XIRP2: variants seen among roughly 807,000 people sequenced by gnomAD.
XIRP2 encodes xin actin binding repeat containing 2, also known as xin actin-binding repeat-containing protein 2.
A neutral mutation model predicts 277.0 loss-of-function variants in XIRP2; 236 were observed. The observed-to-expected ratio is 0.85, with a 90% confidence interval of 0.77 to 0.95. XIRP2 has a LOEUF of 0.95. XIRP2 is among the 40% of genes least tolerant of loss of function. The probability of loss-of-function intolerance (pLI) is 0.00; values close to 1 mark genes in which losing one functional copy is unlikely to be tolerated. For missense variants in XIRP2, 4,640 were observed against 4,157.5 expected, an observed-to-expected ratio of 1.12 and a Z score of -3.19; for synonymous variants, 1,490 against 1,416.5, an observed-to-expected ratio of 1.05 and a Z score of -1.17.
intron 2 of XIRP2, among the ~76,000 whole-genome samples, chr2:167,010,985 G>T (rs1215072592): frequency 6.6e-6 from 1 of 152,060 alleles, no homozygotes; most frequent in South Asian, 2.1e-4. Context: ...ACACAATGGG[G>T]TTTTCTAGAT....
At chr2:167,212,455 G>A (rs553011869) in intron 4 of XIRP2, among the ~76,000 whole-genome samples, 11 of 152,188 alleles carry the variant, frequency 7.2e-5, no homozygotes, top group Middle Eastern at 3.4e-3. Flanking sequence ...GTTTAAAAAG[G>A]GAATGTTTAC....
In XIRP2 at chr2:167,243,822, G is replaced by T. The variant is rs1285230507; in HGVS notation, c.2430G>T (p.Trp810Cys). The change falls in exon 9 of 11, where the codon TGG becomes TGT. Residue 810 changes from tryptophan (W) to cysteine (C), a missense_variant. By Grantham distance (215) the Trp-to-Cys change is radical. Transcript: ENST00000409195. Reference sequence around the variant, plus strand: ...AAGGTGGGGTGAGTAAGGCAAAGTGGTTATTTGAAACCCAACCTTTGGAGA... The same window carrying T: ...AAGGTGGGGTGAGTAAGGCAAAGTGTTTATTTGAAACCCAACCTTTGGAGA... ...NVKGGVSKAKWLFETQPLEKI... is the reference protein window; with the variant it reads ...NVKGGVSKAKCLFETQPLEKI... 6.2e-7 allele frequency: 1 copy of T among 1,613,966 alleles called. No individual in the cohort carries two copies. The highest frequency in any genetic ancestry group is 8.5e-7 in the Non-Finnish European group (1 of 1,179,938).
At chr2:167,210,407 A>G (rs1389301754) in intron 3 of XIRP2, among the ~76,000 whole-genome samples, 1 of 152,226 alleles carries the variant, frequency 6.6e-6, no homozygotes, top group Non-Finnish European at 1.5e-5. Context: ...GAAAATGCAC[A>G]CAGAATTTAG....
intron 3 of XIRP2, among the ~76,000 whole-genome samples, chr2:167,159,977 G>T (rs752396314): frequency 9.2e-5 from 14 of 152,184 alleles, no homozygotes; most frequent in Non-Finnish European, 1.9e-4. Flanking sequence ...TGCAATGCTA[G>T]AGAACAGTAG....
intron 2 of XIRP2, among the ~76,000 whole-genome samples, chr2:167,007,513 A>G (rs1687534710): frequency 6.6e-6 from 1 of 151,696 alleles, no homozygotes; most frequent in East Asian, 1.9e-4. Context: ...AATAATATGT[A>G]GCAAAGTAGA....
In XIRP2 at chr2:167,246,767, T is replaced by C. The variant is rs200235198; in HGVS notation, c.5375T>C (p.Leu1792Pro). 11 of 1,613,846 alleles carry C rather than the reference T, an allele frequency of 6.8e-6. No homozygotes were observed. The highest frequency in any genetic ancestry group is 1.1e-5 in the South Asian group (1 of 91,076). The change falls in exon 9 of 11, where the codon CTG becomes CCG. Residue 1792 changes from leucine to proline, a missense_variant. Leu to Pro is a moderately conservative substitution (Grantham distance 98). Coordinates refer to ENST00000409195, the MANE Select transcript of XIRP2 (RefSeq NM_152381.6). Reference protein sequence around the residue: ...GGDVEGTKLLLKKRQSLVERT... With the variant: ...GGDVEGTKLLPKKRQSLVERT... ...GATGTTGAAGGTACAAAACTGTTAC[T>C]GAAGAAAAGGCAGTCTCTGGTTGAA...
chr2:167,249,452 C>T lies in XIRP2; in HGVS notation c.8060C>T (p.Thr2687Ile). The T allele has an allele frequency of 6.2e-7, 1 of 1,613,858 alleles. No homozygotes were observed. The highest frequency in any genetic ancestry group is 8.5e-7 in the Non-Finnish European group (1 of 1,179,854). The change falls in exon 9 of 11, where the codon ACA (threonine) becomes ATA (isoleucine). Residue 2687 changes from threonine to isoleucine, a missense_variant. Transcript: ENST00000409195. ...QSHQECSTQQ[T>I]QQKKYLEQLH... ...CACCAAGAATGTAGTACCCAACAAA[C>T]ACAACAGAAGAAGTATTTGGAGCAG...
At chr2:167,206,648 C>T (rs1297025838) in intron 3 of XIRP2, among the ~76,000 whole-genome samples, 1 of 152,038 alleles carries the variant, frequency 6.6e-6, no homozygotes, top group African/African-American at 2.4e-5. Context: ...TTTGCATTGT[C>T]CACAATGGGA....
chr2:166,996,591 C>T (rs1250604172), intron 2 of XIRP2, among the ~76,000 whole-genome samples: 1 of 152,144 alleles, frequency 6.6e-6, no homozygotes, highest in Non-Finnish European at 1.5e-5. Context: ...CATGCCACTG[C>T]ACTACAGTCT....
Position 167,090,805 on chromosome 2 carries a change from G to A in XIRP2, c.409-45104G>A, listed in dbSNP as rs568410420. Among the ~76,000 whole-genome samples the A allele has an allele frequency of 4.6e-5, 7 of 152,146 alleles. No individual in the cohort carries two copies. The South Asian group carries it at 1.4e-3, about 32-fold the overall frequency. ...TGCAAGAACCAATGTGATCTCTCAT[G>A]ACCAAGAACTCACTCATTGACTCAA... is the stretch of plus-strand genomic sequence containing the variant. On this transcript the variant is annotated intron_variant, in intron 2 of 10. Transcript: ENST00000409195.
chr2:167,083,131 G>T (rs1189705511), intron 2 of XIRP2, among the ~76,000 whole-genome samples: 1 of 152,148 alleles, frequency 6.6e-6, no homozygotes, highest in Non-Finnish European at 1.5e-5. Flanking sequence ...TAAGGTGTAA[G>T]GAAGGGATCC....
At chr2:166,984,852 C>T (rs947610151) in intron 2 of XIRP2, among the ~76,000 whole-genome samples, 1 of 152,200 alleles carries the variant, frequency 6.6e-6, no homozygotes, top group Admixed American at 6.5e-5. Context: ...TGCCAGGGCA[C>T]TCATGTGTTT....
chr2:167,171,913 T>C (rs755341167), intron 3 of XIRP2, among the ~76,000 whole-genome samples: 7 of 152,196 alleles, frequency 4.6e-5, no homozygotes, highest in Non-Finnish European at 7.3e-5. Context: ...ATGTTTTAAA[T>C]GTACTTTTTA....
chr2:166,930,362 C>T (rs1002241856), intron 2 of XIRP2, among the ~76,000 whole-genome samples: 51 of 152,156 alleles, frequency 3.4e-4, no homozygotes, highest in Non-Finnish European at 2.5e-4. Flanking sequence ...TCTGAAACAG[C>T]GTGTTAATGA....
At chr2:166,902,564 A>C (rs1052597197) in intron 1 of XIRP2, among the ~76,000 whole-genome samples, 1 of 152,132 alleles carries the variant, frequency 6.6e-6, no homozygotes, top group East Asian at 1.9e-4. Context: ...GGCAAAAATT[A>C]GTGCTAGCAT....
intron 2 of XIRP2, among the ~76,000 whole-genome samples, chr2:167,115,181 A>C (rs1197043143): frequency 6.6e-6 from 1 of 152,040 alleles, no homozygotes; most frequent in South Asian, 2.1e-4. Flanking sequence ...TGCAATTCTT[A>C]TAGTGTGTTT....
intron 2 of XIRP2, among the ~76,000 whole-genome samples, chr2:167,037,518 G>GGGGT (rs1553481078): frequency 4.8e-4 from 61 of 126,456 alleles, no homozygotes; most frequent in Admixed American, 9.4e-4. Flanking sequence ...TCATGTGGGG[G>GGGGT]GTGTGTGTGT....
chr2:167,079,961 C>G (rs765075506), intron 2 of XIRP2, among the ~76,000 whole-genome samples: 1 of 150,732 alleles, frequency 6.6e-6, no homozygotes, highest in African/African-American at 2.4e-5. Context: ...TGTTTTTCCA[C>G]TAGTTGTGAT....
At chr2:167,146,463 T>G in intron 3 of XIRP2, among the ~76,000 whole-genome samples, 1 of 151,062 alleles carries the variant, frequency 6.6e-6, no homozygotes. Flanking sequence ...ATTCTGCCAC[T>G]GTACTCTAGC....
Sources: gnomAD v4.1 joint callset for allele counts (sites outside exome capture counted in the v4.1 genomes callset) on GRCh38, gnomAD v4.1.1 for gene constraint, MANE v1.5 for transcripts, NCBI Gene and HGNC (gene_info 2026-07-23, HGNC 2026-07-21) for gene names.